The following HP1BP3 variants were observed in gnomAD, a reference collection of about 807,000 sequenced individuals.
HP1BP3 encodes heterochromatin protein 1 binding protein 3, also known as heterochromatin protein 1-binding protein 3.
HP1BP3 carries 12 observed loss-of-function variants against 62.5 expected under a neutral mutation model. The ratio of observed to expected loss-of-function variants is 0.19; its 90% CI spans 0.12 to 0.31. HP1BP3 has a LOEUF of 0.31. Among genes scored for constraint, HP1BP3 ranks in the 10% least tolerant of loss-of-function variants. HP1BP3 has a pLI of 1.00. For missense variants in HP1BP3, 502 were observed against 651.8 expected (o/e 0.77, Z 2.50); for synonymous variants, 260 against 237.8 (o/e 1.09, Z -0.86).
chr1:20,768,135 C>G (rs2056875097), intron 6 of HP1BP3, among the ~76,000 whole-genome samples: 1 of 152,154 alleles, frequency 6.6e-6, no homozygotes. Context: ...TACATTATTC[C>G]TTATGGGAAG....
intron 7 of HP1BP3, 65 bp from the exon 8 acceptor site, chr1:20,765,596 G>C (rs947274818): frequency 7.6e-7 from 1 of 1,314,822 alleles, no homozygotes; most frequent in South Asian, 1.4e-5. Context: ...TACAACTCAA[G>C]GGCTTTCCTC....
intron 6 of HP1BP3, among the ~76,000 whole-genome samples, chr1:20,768,100 G>A (rs1016207288): frequency 2.0e-5 from 3 of 152,180 alleles, no homozygotes; most frequent in Non-Finnish European, 1.5e-5. Context: ...CTCAGACCAC[G>A]TAACTTCCCA....
chr1:20,749,956 C>CA, intron 9 of HP1BP3, 74 bp from the exon 10 acceptor site: 6 of 1,542,606 alleles, frequency 3.9e-6, no homozygotes, highest in Non-Finnish European at 5.2e-6. Flanking sequence ...GACTCCTCTG[C>CA]ACCAGGTGGG....
At chr1:20,784,072 C>A (rs1470459391) in intron 1 of HP1BP3, among the ~76,000 whole-genome samples, 1 of 152,128 alleles carries the variant, frequency 6.6e-6, no homozygotes. Context: ...CAGGCTCAAG[C>A]GACTCTCCCA....
At chr1:20,783,886 T>G (rs778916475) in intron 1 of HP1BP3, among the ~76,000 whole-genome samples, 21 of 152,126 alleles carry the variant, frequency 1.4e-4, no homozygotes, top group Non-Finnish European at 2.6e-4. Context: ...TTAGAATAGT[T>G]GGGTTAATTG....
At chr1:20,767,342 A>G (rs80225875) in intron 7 of HP1BP3, among the ~76,000 whole-genome samples, 5,480 of 152,284 alleles carry the variant, frequency 0.036, 311 homozygotes, top group African/African-American at 0.12. Flanking sequence ...TAATTTATAT[A>G]GCTGCCCATA....
At chr1:20,786,969 G>A (rs1026841435) in intron 1 of HP1BP3, among the ~76,000 whole-genome samples, 1 of 152,144 alleles carries the variant, frequency 6.6e-6, no homozygotes, top group East Asian at 2.0e-4. Flanking sequence ...CCCTGAGGAG[G>A]AGTCCACCAA....
intron 1 of HP1BP3, among the ~76,000 whole-genome samples, chr1:20,785,503 C>T (rs572284565): frequency 6.6e-6 from 1 of 152,316 alleles, no homozygotes; most frequent in East Asian, 1.9e-4. Flanking sequence ...CGAGTCATGT[C>T]ACAAAAAGCA....
At chr1:20,764,266 C>T (rs967635548) in intron 8 of HP1BP3, among the ~76,000 whole-genome samples, 2 of 151,738 alleles carry the variant, frequency 1.3e-5, no homozygotes, top group Non-Finnish European at 2.9e-5. Flanking sequence ...GTATTACTTT[C>T]TGGTGCTGTA....
At chr1:20,781,391 C>A (rs1009681548) in intron 1 of HP1BP3, among the ~76,000 whole-genome samples, 3 of 152,170 alleles carry the variant, frequency 2.0e-5, no homozygotes, top group Non-Finnish European at 4.4e-5. Context: ...AATTGAAGAG[C>A]TTTCAACTTG....
chr1:20,780,581 C>A, intron 1 of HP1BP3, 41 bp from the exon 2 acceptor site: 3 of 603,950 alleles, frequency 5.0e-6, no homozygotes, highest in South Asian at 2.2e-5. Context: ...TTAACAGAAA[C>A]AAAACTAAAC....
intron 4 of HP1BP3, chr1:20,775,094 T>C (rs1169947930): frequency 6.6e-6 from 1 of 151,670 alleles, no homozygotes; most frequent in Non-Finnish European, 1.5e-5. Context: ...ATCATTAGAG[T>C]ATATGTTTTC....
At chr1:20,776,061 T>G in intron 4 of HP1BP3, 1 of 1,413,892 alleles carries the variant, frequency 7.1e-7, no homozygotes, top group South Asian at 1.4e-5. Flanking sequence ...CATCACTTTA[T>G]ATAGATACAC....
intron 3 of HP1BP3, among the ~76,000 whole-genome samples, chr1:20,779,477 C>T (rs1299354625): frequency 1.3e-5 from 2 of 152,142 alleles, no homozygotes; most frequent in Non-Finnish European, 2.9e-5. Flanking sequence ...TAAAGGCCCA[C>T]GTTTTCCATT....
In HP1BP3 at chr1:20,741,049, G is replaced by A. The variant is rs1373340783; in HGVS notation, c.*3748C>T. On this transcript the variant is annotated 3_prime_UTR_variant, in exon 13 of 13. Transcript: ENST00000438032. ...GAAAATGCAAAAGCAAAATCTACAT[G>A]CTAGAAAGTAATGTCAACCAGAACC... Among the ~76,000 whole-genome samples, 1 of 152,174 alleles carries A rather than the reference G, an allele frequency of 6.6e-6. No homozygotes were observed. The highest frequency in any genetic ancestry group is 1.5e-5 in the Non-Finnish European group (1 of 68,046).
chr1:20,763,381 T>TC (rs1455358910), intron 8 of HP1BP3, among the ~76,000 whole-genome samples: 4 of 152,250 alleles, frequency 2.6e-5, no homozygotes, highest in African/African-American at 9.6e-5. Context: ...TTTAGAACTT[T>TC]CTGCTTCTAT....
At chr1:20,750,022 C>T (rs933829551) in intron 9 of HP1BP3, 140 bp from the exon 10 acceptor site, 6 of 1,427,712 alleles carry the variant, frequency 4.2e-6, no homozygotes, top group Non-Finnish European at 5.5e-6. Context: ...AGCTTAGGGA[C>T]TTTCTCTTCC....
rs2055046867 is a variant in HP1BP3, at chr1:20,740,275, G to A, written c.*4522C>T. Among the ~76,000 whole-genome samples the A allele has an allele frequency of 6.6e-6, 1 of 152,140 alleles. No individual in the cohort carries two copies. Among genetic ancestry groups the A allele is most frequent in the Non-Finnish European group, 1.5e-5 (1 of 68,022 alleles). The stretch of plus-strand genomic sequence containing the variant: ...TCTAGGCACCACAGAGTTCTCTTTT[G>A]CTAAGCAAAGATTTAATAGTGAACA... On this transcript the variant is annotated 3_prime_UTR_variant, in exon 13 of 13. Transcript: ENST00000438032.
intron 9 of HP1BP3, among the ~76,000 whole-genome samples, chr1:20,754,164 G>A (rs1164563921): frequency 6.6e-6 from 1 of 152,204 alleles, no homozygotes; most frequent in Admixed American, 6.5e-5. Context: ...AAGGGCGAAG[G>A]ATACAAGAGC....
Sources: gnomAD v4.1 joint callset for allele counts (sites outside exome capture counted in the v4.1 genomes callset) on GRCh38, gnomAD v4.1.1 for gene constraint, MANE v1.5 for transcripts, NCBI Gene and HGNC (gene_info 2026-07-23, HGNC 2026-07-21) for gene names.